FOCAD: variants seen among roughly 807,000 people sequenced by gnomAD.
The protein encoded by FOCAD is KIAA1797.
In FOCAD, 198 loss-of-function variants were observed where a neutral mutation model predicts 225.6. The observed-to-expected ratio is 0.88, with a 90% CI of 0.78 to 0.99. The LOEUF (loss-of-function observed/expected upper bound fraction) is 0.99. Ranked by LOEUF, FOCAD falls within the 50% of genes least tolerant of loss-of-function variation. FOCAD has a pLI of 0.00. For synonymous variants in FOCAD, 897 were observed against 755.0 expected (o/e 1.19, Z -3.08); for missense variants, 2,713 against 2,123.6 (o/e 1.28, Z -5.46).
chr9:20,742,974 A>G (rs1235148060), intron 5 of FOCAD, among the ~76,000 whole-genome samples: 1 of 152,186 alleles, frequency 6.6e-6, no homozygotes, highest in Non-Finnish European at 1.5e-5. Flanking sequence ...AGCACTATAA[A>G]TCAGTAGAGA....
intron 20 of FOCAD, among the ~76,000 whole-genome samples, chr9:20,883,668 A>G (rs1053793196): frequency 2.6e-5 from 4 of 152,252 alleles, no homozygotes; most frequent in Non-Finnish European, 4.4e-5. Context: ...AGAGAAAAGA[A>G]TCAAAATGGA....
At chr9:20,734,861 T>C (rs1195834729) in intron 4 of FOCAD, among the ~76,000 whole-genome samples, 2 of 152,136 alleles carry the variant, frequency 1.3e-5, no homozygotes, top group African/African-American at 4.8e-5. Flanking sequence ...GGTCTCAAAT[T>C]CCTGGGCCCA....
intron 9 of FOCAD, among the ~76,000 whole-genome samples, chr9:20,779,111 T>G (rs1819093939): frequency 6.6e-6 from 1 of 152,202 alleles, no homozygotes; most frequent in South Asian, 2.1e-4. Context: ...AAGTGTTTAG[T>G]AGTTGTAGTT....
At chr9:20,843,405 A>G (rs1826748160) in intron 15 of FOCAD, among the ~76,000 whole-genome samples, 2 of 152,028 alleles carry the variant, frequency 1.3e-5, no homozygotes, top group African/African-American at 4.8e-5. Flanking sequence ...TTTTTGCTTC[A>G]GCACTTTAAA....
At chr9:20,768,065 C>T (rs1282229340) in intron 7 of FOCAD, among the ~76,000 whole-genome samples, 6 of 150,372 alleles carry the variant, frequency 4.0e-5, no homozygotes, top group African/African-American at 7.3e-5. Context: ...TTTCCCAGCA[C>T]CATTTATTAA....
intron 30 of FOCAD, among the ~76,000 whole-genome samples, chr9:20,948,027 A>T (rs1019160829): frequency 6.6e-6 from 1 of 152,088 alleles, no homozygotes; most frequent in Non-Finnish European, 1.5e-5. Flanking sequence ...TACTTTCCTG[A>T]AATAAATTAC....
At chr9:20,889,913 T>C (rs748425360) in intron 21 of FOCAD, among the ~76,000 whole-genome samples, 1 of 152,150 alleles carries the variant, frequency 6.6e-6, no homozygotes, top group Non-Finnish European at 1.5e-5. Context: ...TTATAAATCT[T>C]GGACATATTT....
At chr9:20,848,254 T>C (rs1286226387) in intron 15 of FOCAD, among the ~76,000 whole-genome samples, 1 of 152,056 alleles carries the variant, frequency 6.6e-6, no homozygotes, top group Admixed American at 6.6e-5. Flanking sequence ...TTGACGCTAA[T>C]AGACTGAGTG....
chr9:20,861,314 A>G (rs1288368515), intron 15 of FOCAD, among the ~76,000 whole-genome samples: 2 of 152,086 alleles, frequency 1.3e-5, no homozygotes, highest in Non-Finnish European at 2.9e-5. Flanking sequence ...CTGGGTATGC[A>G]GTTGTGCTGA....
At chr9:20,805,830 A>G (rs1564013592) in intron 11 of FOCAD, among the ~76,000 whole-genome samples, 1 of 152,184 alleles carries the variant, frequency 6.6e-6, no homozygotes, top group Non-Finnish European at 1.5e-5. Context: ...TTCACCTGGA[A>G]ATAAAAATAA....
rs775421942 is a variant in FOCAD, at chr9:20,781,958, A to AT, written c.1197+30dup. 9 of 1,597,408 alleles carry AT rather than the reference A, an allele frequency of 5.6e-6. No individual in the cohort carries two copies. The Admixed American group carries it at 8.3e-5, about 15-fold the overall frequency. ...ATGAATCTATCCTTGTTTCTCTTAA[A>AT]TAAAGTGTCGATGTGGGATTTCGGT... On this transcript the variant is annotated intron_variant, in intron 10 of 43. Transcript: ENST00000338382.
rs747114229 is a variant in FOCAD at position 20,781,865 on chromosome 9, A to G, written c.1133A>G (p.Gln378Arg). The G allele has an allele frequency of 2.5e-6, 4 of 1,614,184 alleles. No homozygotes were observed. Among genetic ancestry groups the G allele is most frequent in the South Asian group, 1.1e-5 (1 of 91,084 alleles). ...ISVDEEGPSRQQLALNLLEMI... is the reference protein window; with the variant it reads ...ISVDEEGPSRRQLALNLLEMI... ...GTGGATGAAGAAGGTCCCTCTAGGC[A>G]GCAGTTGGCTCTAAACCTTTTGGAA... Residue 378 changes from glutamine to arginine, a missense_variant, in exon 10 of 44, where the codon CAG becomes CGG. Coordinates refer to ENST00000338382, the MANE Select transcript of FOCAD (RefSeq NM_001375567.1).
intron 4 of FOCAD, among the ~76,000 whole-genome samples, chr9:20,731,267 CAACAACAACAACAACA>C (rs916953294): frequency 5.9e-5 from 9 of 151,632 alleles, no homozygotes; most frequent in Non-Finnish European, 1.3e-4. Context: ...ACAACAACAA[CAACAACAACAACAACA>C]AAGTACTTCA....
At chr9:20,672,309 AAATT>A (rs1313343830) in intron 2 of FOCAD, among the ~76,000 whole-genome samples, 1 of 152,220 alleles carries the variant, frequency 6.6e-6, no homozygotes, top group Non-Finnish European at 1.5e-5. Flanking sequence ...TTTCCATTGA[AAATT>A]AATTTTTCAA....
intron 11 of FOCAD, among the ~76,000 whole-genome samples, chr9:20,810,830 G>C (rs1449646210): frequency 2.0e-5 from 3 of 152,032 alleles, no homozygotes; most frequent in Admixed American, 2.0e-4. Flanking sequence ...CAAGTGATGT[G>C]ATATTTGACT....
At chr9:20,733,319 C>T (rs1826865747) in intron 4 of FOCAD, among the ~76,000 whole-genome samples, 1 of 152,176 alleles carries the variant, frequency 6.6e-6, no homozygotes, top group South Asian at 2.1e-4. Flanking sequence ...AATTTCTCCT[C>T]ATACTGTCTA....
At chr9:20,881,526 A>T (rs552520286) in intron 19 of FOCAD, among the ~76,000 whole-genome samples, 1 of 152,342 alleles carries the variant, frequency 6.6e-6, no homozygotes, top group East Asian at 1.9e-4. Context: ...TTTTTACATT[A>T]GTTTGTATGA....
intron 11 of FOCAD, among the ~76,000 whole-genome samples, chr9:20,801,798 C>G (rs758384603): frequency 6.6e-6 from 1 of 152,088 alleles, no homozygotes; most frequent in Admixed American, 6.5e-5. Context: ...CACAATTATG[C>G]TGCTACGTGA....
chr9:20,812,315 T>A (rs1038777386), intron 11 of FOCAD, among the ~76,000 whole-genome samples: 9 of 151,802 alleles, frequency 5.9e-5, no homozygotes, highest in African/African-American at 9.7e-5. Flanking sequence ...CATATTTTTT[T>A]AAAAAGGAAT....
Sources: gnomAD v4.1 joint callset for allele counts (sites outside exome capture counted in the v4.1 genomes callset) on GRCh38, gnomAD v4.1.1 for gene constraint, MANE v1.5 for transcripts, NCBI Gene and HGNC (gene_info 2026-07-23, HGNC 2026-07-21) for gene names.